Variants in TTC39C observed in about 807,000 individuals in gnomAD.
TTC39C encodes tetratricopeptide repeat domain 39C.
Under a neutral mutation model 76.3 loss-of-function variants are expected in TTC39C, and 33 were observed. The observed-to-expected ratio is 0.43, with a 90% confidence interval of 0.33 to 0.58. The LOEUF is 0.58. Among genes scored for constraint, TTC39C ranks in the 20% least tolerant of loss-of-function variants. TTC39C has a pLI of 0.04. For missense variants in TTC39C, 595 were observed against 701.4 expected (o/e 0.85, Z 1.71); for synonymous variants, 254 against 260.6 (o/e 0.97, Z 0.24).
intron 1 of TTC39C, among the ~76,000 whole-genome samples, chr18:24,050,563 C>CAAAA (rs67885761): frequency 2.6e-5 from 2 of 77,080 alleles, no homozygotes; most frequent in Non-Finnish European, 4.9e-5. Flanking sequence ...GACCCTGTCT[C>CAAAA]AAAAAAAAAA....
rs56233680 is a variant in TTC39C at position 24,044,052 on chromosome 18, T to TTGTG, written c.168-20052_168-20049dup. On this transcript the variant is annotated intron_variant, in intron 1 of 13. Transcript: ENST00000317571. ...TGGCTGAAAGAGCATTTGTGTATGT[T>TTGTG]TGTGTGTGTGTGTGTGTGTGTGTGT... Among the ~76,000 whole-genome samples, 616 of 147,954 alleles carry TTGTG rather than the reference T, an allele frequency of 4.2e-3. 6 individuals are homozygous for TTGTG. Among genetic ancestry groups the TTGTG allele is most frequent in the African/African-American group, 0.013 (535 of 40,060 alleles).
intron 1 of TTC39C, among the ~76,000 whole-genome samples, chr18:24,047,816 G>C (rs1452891943): frequency 4.6e-5 from 7 of 152,204 alleles, no homozygotes; most frequent in Admixed American, 2.6e-4. Flanking sequence ...TAACAGCTCT[G>C]TATTGAAGAC....
intron 1 of TTC39C, among the ~76,000 whole-genome samples, chr18:24,039,081 A>G (rs1023680699): frequency 6.6e-6 from 1 of 152,236 alleles, no homozygotes; most frequent in Non-Finnish European, 1.5e-5. Context: ...CCAGTTTGCC[A>G]GGAACTGTGC....
At chr18:24,116,237 G>A (rs998518769) in intron 7 of TTC39C, among the ~76,000 whole-genome samples, 1 of 152,006 alleles carries the variant, frequency 6.6e-6, no homozygotes, top group African/African-American at 2.4e-5. Flanking sequence ...CGCTATCTAT[G>A]CTAGGATAAA....
chr18:24,065,234 C>T (rs1322431416), intron 2 of TTC39C, among the ~76,000 whole-genome samples: 1 of 152,122 alleles, frequency 6.6e-6, no homozygotes, highest in African/African-American at 2.4e-5. Context: ...ACTGAGGAAG[C>T]CTGAAAGGCC....
At chr18:24,114,487 G>T in intron 6 of TTC39C, 67 bp from the exon 7 acceptor site, 2 of 1,200,134 alleles carry the variant, frequency 1.7e-6, no homozygotes, top group African/African-American at 1.5e-5. Context: ...AGATGCTTTT[G>T]AATTATGATG....
chr18:24,108,167 C>T (rs762366773), intron 6 of TTC39C, among the ~76,000 whole-genome samples: 21 of 152,160 alleles, frequency 1.4e-4, no homozygotes, highest in Non-Finnish European at 2.6e-4. Flanking sequence ...ACCTCTTGTC[C>T]GATGTTTAAC....
rs373737714 is a variant in TTC39C at position 24,097,206 on chromosome 18, T to G, written c.984+14125T>G. ...TCATAAGTAGCAGATGTTATCATTCTTTGTCCCCACGCCCAGAAAATCAAC... is the reference window on the plus strand; with the variant it reads ...TCATAAGTAGCAGATGTTATCATTCGTTGTCCCCACGCCCAGAAAATCAAC... On this transcript the variant is annotated intron_variant, in intron 6 of 13. Transcript: ENST00000317571. 4.6e-5 allele frequency among the ~76,000 whole-genome samples: 7 copies of G among 152,318 alleles called. No homozygotes were observed. In the South Asian group the frequency reaches 8.3e-4, roughly 18 times the overall value.
At chr18:24,035,956 A>G (rs1272480242) in intron 1 of TTC39C, among the ~76,000 whole-genome samples, 2 of 152,072 alleles carry the variant, frequency 1.3e-5, no homozygotes, top group Admixed American at 1.3e-4. Flanking sequence ...AATATTTTGT[A>G]TGGTATAAAG....
chr18:24,111,242 G>A (rs1266411363), intron 6 of TTC39C, among the ~76,000 whole-genome samples: 4 of 152,016 alleles, frequency 2.6e-5, no homozygotes, highest in African/African-American at 7.2e-5. Flanking sequence ...CACTGCGCCC[G>A]GCCTCTGTGA....
At chr18:24,015,917 C>T (rs913998836) in intron 1 of TTC39C, among the ~76,000 whole-genome samples, 21 of 152,104 alleles carry the variant, frequency 1.4e-4, no homozygotes, top group African/African-American at 4.6e-4. Context: ...TTGTGATTTG[C>T]CGTCTGATTG....
chr18:24,001,813 C>A (rs1480476139), intron 1 of TTC39C, among the ~76,000 whole-genome samples: 12 of 120,120 alleles, frequency 1.0e-4, no homozygotes, highest in African/African-American at 3.6e-4. Context: ...GTGAGGTGTA[C>A]GGTAATTCTG....
chr18:24,015,331 C>T (rs1371723334), intron 1 of TTC39C: 1 of 281,868 alleles, frequency 3.5e-6, no homozygotes, highest in Non-Finnish European at 6.6e-6. Context: ...CTCCCACAGA[C>T]GTGCCCGGTG....
At chr18:23,997,155 A>G (rs1391959417) in intron 1 of TTC39C, among the ~76,000 whole-genome samples, 1 of 152,138 alleles carries the variant, frequency 6.6e-6, no homozygotes, top group African/African-American at 2.4e-5. Context: ...AGTGGCTCCT[A>G]TCTGTAATCT....
At chr18:24,072,591 C>T (rs527750028) in intron 4 of TTC39C, among the ~76,000 whole-genome samples, 1 of 152,276 alleles carries the variant, frequency 6.6e-6, no homozygotes, top group South Asian at 2.1e-4. Flanking sequence ...GCCACCGTGC[C>T]CGGTCAATGC....
intron 6 of TTC39C, chr18:24,113,514 C>T (rs961662063): frequency 1.9e-4 from 135 of 693,538 alleles, no homozygotes; most frequent in East Asian, 6.5e-4. Flanking sequence ...CAGCAGGAGA[C>T]GCACCTGGAA....
intron 12 of TTC39C, among the ~76,000 whole-genome samples, chr18:24,131,520 A>G (rs1419814914): frequency 6.6e-6 from 1 of 152,230 alleles, no homozygotes; most frequent in African/African-American, 2.4e-5. Context: ...AACCTGGCCA[A>G]CAGAGCTAAA....
At chr18:24,023,979 T>TATATATATATACAC (rs2083557680) in intron 1 of TTC39C, among the ~76,000 whole-genome samples, 1 of 10,310 alleles carries the variant, frequency 9.7e-5, no homozygotes, top group African/African-American at 2.2e-4. Context: ...TATATATATA[T>TATATATATATACAC]ACATATATAT....
At chr18:24,007,253 G>C (rs529652490) in intron 1 of TTC39C, among the ~76,000 whole-genome samples, 6 of 152,352 alleles carry the variant, frequency 3.9e-5, no homozygotes, top group South Asian at 2.1e-4. Flanking sequence ...ACAGAACATA[G>C]AGGTGCATTT....
Sources: allele counts gnomAD v4.1 joint callset (sites outside exome capture counted in the v4.1 genomes callset), GRCh38; gene constraint gnomAD v4.1.1; transcripts MANE v1.5; gene names NCBI Gene and HGNC (gene_info 2026-07-23, HGNC 2026-07-21).